Variants in ANKMY2 observed in about 807,000 individuals in gnomAD.
ANKMY2 encodes ankyrin repeat and MYND domain containing 2, also known as ankyrin repeat and MYND domain-containing protein 2.
A neutral mutation model predicts 50.4 loss-of-function variants in ANKMY2; 36 were observed. The ratio of observed to expected loss-of-function variants is 0.71; its 90% CI spans 0.55 to 0.94. The LOEUF (loss-of-function observed/expected upper bound fraction) is 0.94, where lower values mean the gene tolerates loss of function less well. ANKMY2 is among the 40% of genes least tolerant of loss of function. ANKMY2 has a pLI of 0.00. For synonymous variants in ANKMY2, 187 were observed against 178.8 expected, an observed-to-expected ratio of 1.05 and a Z score of -0.36; for missense variants, 565 against 524.0, an observed-to-expected ratio of 1.08 and a Z score of -0.76.
Position 16,637,429 on chromosome 7 carries a change from T to C in ANKMY2, c.68-974A>G, listed in dbSNP as rs1031398735. 2.6e-5 allele frequency among the ~76,000 whole-genome samples: 4 copies of C among 152,344 alleles called. No homozygotes were observed. The South Asian group carries it at 6.2e-4, about 24-fold the overall frequency. ...TGACCCACTTCTTAAGCAAGTCACC[T>C]GAGTTCCCCTCACCAACAGAGAAAA... On this transcript the variant is annotated intron_variant, in intron 1 of 9. Coordinates refer to ENST00000306999, the MANE Select transcript of ANKMY2 (RefSeq NM_020319.3).
chr7:16,600,702 A>C lies in ANKMY2; in HGVS notation c.*59T>G. ...AACAAGGTGAGGACAATGCATTCCT[A>C]GGAGTTTTCCAGCTTCTTGCAGGGT... On this transcript the variant is annotated 3_prime_UTR_variant, in exon 10 of 10. Coordinates refer to ENST00000306999, the MANE Select transcript of ANKMY2 (RefSeq NM_020319.3). 1 of 1,466,832 alleles carries C rather than the reference A, an allele frequency of 6.8e-7. No individual in the cohort carries two copies. Among genetic ancestry groups the C allele is most frequent in the Non-Finnish European group, 9.1e-7 (1 of 1,093,124 alleles). The allele number at this position is 1,466,832 out of a possible 1,614,324, so 90.9% of individuals were successfully genotyped here. A position where few individuals can be genotyped will look rare whatever the true frequency, so the allele number is the denominator to read the frequency against.
chr7:16,637,139 T>G (rs183773770), intron 1 of ANKMY2, among the ~76,000 whole-genome samples: 4 of 152,350 alleles, frequency 2.6e-5, no homozygotes, highest in African/African-American at 4.8e-5. Flanking sequence ...AATGTTGCTA[T>G]TATCATTAGT....
rs144854386 is a variant in ANKMY2 at position 16,617,681 on chromosome 7, G to A, written c.371-1777C>T. Among the ~76,000 whole-genome samples, 276 of 152,276 alleles carry A rather than the reference G, an allele frequency of 1.8e-3. 2 individuals carry two copies. The highest frequency in any genetic ancestry group is 6.3e-3 in the African/African-American group (263 of 41,572). On this transcript the variant is annotated intron_variant, in intron 4 of 9. Transcript: ENST00000306999. ...GAACTAAACTAGTAACACAGAGGAT[G>A]AAGGGCAGGCATGGTGGCTCATGCC...
chr7:16,644,563 G>C (rs1485620684), intron 1 of ANKMY2: 1 of 364,890 alleles, frequency 2.7e-6, no homozygotes, highest in East Asian at 9.9e-5. Context: ...TGCCATTCGA[G>C]GACAAACATG....
At chr7:16,627,426 G>A (rs1274165278) in intron 2 of ANKMY2, among the ~76,000 whole-genome samples, 3 of 152,100 alleles carry the variant, frequency 2.0e-5, no homozygotes, top group African/African-American at 7.2e-5. Flanking sequence ...AACCTCACAT[G>A]ACTAATAAAT....
At chr7:16,611,516 G>T (rs796293205) in intron 5 of ANKMY2, among the ~76,000 whole-genome samples, 7 of 152,266 alleles carry the variant, frequency 4.6e-5, no homozygotes, top group East Asian at 1.9e-4. Context: ...GTCTGCAAAG[G>T]ACTGCTGTAA....
In ANKMY2 at chr7:16,614,712, G is replaced by A. The variant is rs111406377; in HGVS notation, c.531+1032C>T. Among the ~76,000 whole-genome samples, 979 of 152,210 alleles carry A rather than the reference G, an allele frequency of 6.4e-3. 13 individuals carry two copies. The highest frequency in any genetic ancestry group is 0.022 in the African/African-American group (911 of 41,534). ...AGCAGACTCCACAGATTCTTCTTTC[G>A]TAATAAACTTCTGGGGAAATCTATT... On this transcript the variant is annotated intron_variant, in intron 5 of 9. Transcript: ENST00000306999.
At chr7:16,612,210 T>A (rs771627665) in intron 5 of ANKMY2, among the ~76,000 whole-genome samples, 6 of 152,240 alleles carry the variant, frequency 3.9e-5, no homozygotes, top group Non-Finnish European at 8.8e-5. Context: ...ACAGGTAGAT[T>A]TCCTGAATTA....
At chr7:16,645,033 C>T (rs546986502) in intron 1 of ANKMY2, among the ~76,000 whole-genome samples, 21 of 152,266 alleles carry the variant, frequency 1.4e-4, no homozygotes, top group African/African-American at 4.3e-4. Context: ...AACCCCTCTC[C>T]CTAAGGGCGC....
intron 2 of ANKMY2, among the ~76,000 whole-genome samples, chr7:16,629,124 T>C (rs1781544031): frequency 6.6e-6 from 1 of 152,182 alleles, no homozygotes; most frequent in African/African-American, 2.4e-5. Flanking sequence ...TTTCGTCTCA[T>C]TTAAAAAAAA....
At chr7:16,642,751 A>G (rs1480499714) in intron 1 of ANKMY2, among the ~76,000 whole-genome samples, 3 of 152,222 alleles carry the variant, frequency 2.0e-5, no homozygotes, top group African/African-American at 7.2e-5. Flanking sequence ...ATAAAATAAA[A>G]ATTTACTTTA....
rs1005850235 is a variant in ANKMY2, at chr7:16,604,744, T to C, written c.988A>G (p.Lys330Glu). 4 of 1,614,056 alleles carry C rather than the reference T, an allele frequency of 2.5e-6. No individual in the cohort carries two copies. Among genetic ancestry groups the C allele is most frequent in the Middle Eastern group, 1.6e-4 (1 of 6,062 alleles). ...CTTCGEKGAS[K>E]RCSVCKMVIY... is the part of the protein sequence containing the mutation. ...ACCATTTTGCAAACTGAACATCTTT[T>C]ACTTGCTCCCTTTTCTCCACAGGTA... The change falls in exon 8 of 10, where the codon AAA (lysine) becomes GAA (glutamate). Residue 330 changes from lysine (K) to glutamate (E), a missense_variant. Transcript: ENST00000306999.
At chr7:16,624,917 G>T in intron 4 of ANKMY2, 66 bp downstream of exon 4, 1 of 1,357,874 alleles carries the variant, frequency 7.4e-7, no homozygotes. Context: ...GAGAAGCAAA[G>T]TGGGTTTTTT....
At chr7:16,604,678 T>C (rs770199938) in intron 8 of ANKMY2, 43 bp downstream of exon 8, 3 of 1,599,716 alleles carry the variant, frequency 1.9e-6, no homozygotes, top group Non-Finnish European at 2.6e-6. Context: ...CTTGGCTGCA[T>C]CTAAACCAGA....
At chr7:16,604,497 G>A (rs903624834) in intron 8 of ANKMY2, among the ~76,000 whole-genome samples, 2 of 152,148 alleles carry the variant, frequency 1.3e-5, no homozygotes, top group Admixed American at 1.3e-4. Context: ...CAGCAAAGAG[G>A]CAAAGGAAGA....
intron 7 of ANKMY2, among the ~76,000 whole-genome samples, chr7:16,606,425 T>C: frequency 1.5e-5 from 1 of 67,804 alleles, no homozygotes; most frequent in Admixed American, 1.6e-4. Context: ...CAAGACCTTG[T>C]ATTTAAAAAA....
chr7:16,625,577 G>A (rs1781496407), intron 3 of ANKMY2, among the ~76,000 whole-genome samples: 2 of 152,068 alleles, frequency 1.3e-5, no homozygotes. Flanking sequence ...TACTAAAGTA[G>A]TCATTATGGG....
At chr7:16,625,568 A>G (rs1299937086) in intron 3 of ANKMY2, among the ~76,000 whole-genome samples, 2 of 152,288 alleles carry the variant, frequency 1.3e-5, no homozygotes, top group African/African-American at 4.8e-5. Context: ...ACATTCTTCT[A>G]CTAAAGTAGT....
chr7:16,643,553 C>T (rs1025725218), intron 1 of ANKMY2, among the ~76,000 whole-genome samples: 4 of 149,428 alleles, frequency 2.7e-5, no homozygotes, highest in African/African-American at 7.7e-5. Context: ...CTTGATGCAC[C>T]GTGTGAGCCC....
Sources: allele counts gnomAD v4.1 joint callset (sites outside exome capture counted in the v4.1 genomes callset), GRCh38; gene constraint gnomAD v4.1.1; transcripts MANE v1.5; gene names NCBI Gene and HGNC (gene_info 2026-07-23, HGNC 2026-07-21).